Variants in TTC23 observed in about 807,000 individuals in gnomAD.
TTC23 encodes tetratricopeptide repeat domain 23.
TTC23 carries 58 observed loss-of-function variants against 55.1 expected under a neutral mutation model. The ratio of observed to expected loss-of-function variants is 1.05; its 90% confidence interval spans 0.85 to 1.31. The LOEUF is 1.31. TTC23 is among the 50% of genes most tolerant of loss of function. The pLI is 0.00. For missense variants in TTC23, 516 were observed against 534.4 expected (o/e 0.97, Z 0.34); for synonymous variants, 203 against 199.9 (o/e 1.02, Z -0.13).
Position 99,244,427 on chromosome 15 carries a change from T to C in TTC23, c.-309+962A>G, listed in dbSNP as rs182506734. On this transcript the variant is annotated intron_variant, in intron 2 of 13. Coordinates refer to ENST00000394132, the MANE Select transcript of TTC23 (RefSeq NM_001288615.3). ...AAACAAATAAATCGCCCCCCCCAAT[T>C]AGAACGACTAAATAAGTTCGGCAAG... Among the ~76,000 whole-genome samples, 325 of 152,188 alleles carry C rather than the reference T, an allele frequency of 2.1e-3. 2 individuals carry two copies. The highest frequency in any genetic ancestry group is 7.0e-3 in the African/African-American group (289 of 41,538).
At chr15:99,203,562 T>A (rs555012934) in intron 8 of TTC23, among the ~76,000 whole-genome samples, 6 of 152,080 alleles carry the variant, frequency 3.9e-5, no homozygotes, top group Admixed American at 3.9e-4. Context: ...AAACATTAGG[T>A]CTTATTCCCA....
At chr15:99,175,255 T>A in intron 9 of TTC23, 100 bp from the exon 10 acceptor site, 2 of 891,962 alleles carry the variant, frequency 2.2e-6, no homozygotes, top group South Asian at 1.6e-5. Flanking sequence ...CAAGGAACTT[T>A]CCAGCAAGCT....
chr15:99,251,030 G>C (rs2080694868), upstream of TTC23: 1 of 144,410 alleles, frequency 6.9e-6, no homozygotes, highest in African/African-American at 2.6e-5. Flanking sequence ...AACGCTCAAC[G>C]TGGGATCATT....
intron 12 of TTC23, among the ~76,000 whole-genome samples, chr15:99,142,323 T>G (rs1206620518): frequency 6.6e-6 from 1 of 152,126 alleles, no homozygotes; most frequent in Non-Finnish European, 1.5e-5. Context: ...GAGAGGCCCC[T>G]CTCTCCAGGG....
intron 12 of TTC23, 75 bp from the exon 13 acceptor site, chr15:99,139,474 T>C: frequency 6.3e-7 from 1 of 1,599,198 alleles, no homozygotes; most frequent in Non-Finnish European, 8.5e-7. Flanking sequence ...CTCCCTTGAA[T>C]GAGAGAAAGA....
chr15:99,218,864 T>C (rs2077682096), intron 7 of TTC23, 34 bp downstream of exon 7: 2 of 1,603,872 alleles, frequency 1.2e-6, no homozygotes, highest in African/African-American at 1.3e-5. Context: ...GTGAATAGTA[T>C]TTCTATTTGT....
chr15:99,210,251 G>A (rs58905808), intron 8 of TTC23, among the ~76,000 whole-genome samples: 3,826 of 152,136 alleles, frequency 0.025, 179 homozygotes, highest in African/African-American at 0.087. Context: ...GAAATGCAGT[G>A]CTCTAAAACA....
chr15:99,193,306 C>T (rs1716863956), intron 9 of TTC23, among the ~76,000 whole-genome samples: 1 of 152,072 alleles, frequency 6.6e-6, no homozygotes, highest in South Asian at 2.1e-4. Context: ...GCTCTGTGAC[C>T]CCACCCAAAT....
At chr15:99,138,438 C>G (rs1410697875) in intron 13 of TTC23, among the ~76,000 whole-genome samples, 1 of 152,040 alleles carries the variant, frequency 6.6e-6, no homozygotes, top group Admixed American at 6.5e-5. Context: ...CTCAGTCTCC[C>G]GAGTAGCCAG....
At chr15:99,249,656 T>C (rs1401703506), upstream of TTC23, 1 of 152,204 alleles carries the variant, frequency 6.6e-6, no homozygotes, top group East Asian at 1.9e-4. Context: ...TTGTCGAAGT[T>C]TGCAAACCAA....
At chr15:99,224,118 GGA>G (rs1305456486) in intron 5 of TTC23, among the ~76,000 whole-genome samples, 1 of 152,172 alleles carries the variant, frequency 6.6e-6, no homozygotes, top group Non-Finnish European at 1.5e-5. Flanking sequence ...GTTGGCCAAA[GGA>G]GAGTCACTTT....
In TTC23 at chr15:99,156,208, G is replaced by A. The variant is rs1340653254; in HGVS notation, c.1083C>T (p.Leu361=). The change falls in exon 12 of 14, where the codon CTC becomes CTT. Residue 361 remains leucine, a synonymous_variant. Coordinates refer to ENST00000394132, the MANE Select transcript of TTC23 (RefSeq NM_001288615.3). The part of the protein sequence containing the change: ...FSPEVAETYR[L]LGGADLAQGN... ...CCTGCGCCAGGTCTGCTCCTCCCAG[G>A]AGCCGGTATGTCTCTGCCACCTCGG... is the stretch of plus-strand genomic sequence containing the variant. 16 of 1,614,100 alleles carry A rather than the reference G, an allele frequency of 9.9e-6. No individual in the cohort carries two copies. The highest frequency in any genetic ancestry group is 1.4e-5 in the Non-Finnish European group (16 of 1,180,040).
At chr15:99,224,589 T>C (rs984226350) in intron 5 of TTC23, among the ~76,000 whole-genome samples, 1 of 152,236 alleles carries the variant, frequency 6.6e-6, no homozygotes, top group Non-Finnish European at 1.5e-5. Context: ...ATATCCTGTA[T>C]GGATAGCTTT....
chr15:99,154,032 T>C (rs1005134261), intron 12 of TTC23, among the ~76,000 whole-genome samples: 3 of 152,114 alleles, frequency 2.0e-5, no homozygotes, highest in African/African-American at 7.2e-5. Flanking sequence ...AATGACCCCA[T>C]TAGGGACAGA....
chr15:99,185,641 A>G (rs915973525), intron 9 of TTC23, among the ~76,000 whole-genome samples: 3 of 152,216 alleles, frequency 2.0e-5, no homozygotes, highest in Admixed American at 1.3e-4. Context: ...ACCCATAAAC[A>G]TACTCTCACT....
At chr15:99,174,959 C>T (rs952773962) in intron 10 of TTC23, 91 bp downstream of exon 10, 25 of 1,043,576 alleles carry the variant, frequency 2.4e-5, no homozygotes, top group East Asian at 1.8e-4. Flanking sequence ...GCCTGTGTCG[C>T]GGCTCTGTCC....
At chr15:99,151,508 A>G (rs1460918115) in intron 12 of TTC23, 1 of 152,340 alleles carries the variant, frequency 6.6e-6, no homozygotes, top group Non-Finnish European at 1.5e-5. Context: ...AGGAGCAAGG[A>G]GAAGTCCTGG....
chr15:99,152,662 C>T (rs552719099), intron 12 of TTC23, among the ~76,000 whole-genome samples: 10 of 152,194 alleles, frequency 6.6e-5, no homozygotes, highest in South Asian at 6.2e-4. Context: ...TGAACCACCA[C>T]GCCTGGCCTC....
intron 1 of TTC23, among the ~76,000 whole-genome samples, chr15:99,246,918 T>C (rs960141149): frequency 6.6e-6 from 1 of 151,904 alleles, no homozygotes; most frequent in African/African-American, 2.4e-5. Flanking sequence ...CGAGACCCAG[T>C]CTCAAACAAA....
Sources: allele counts gnomAD v4.1 joint callset (sites outside exome capture counted in the v4.1 genomes callset), GRCh38; gene constraint gnomAD v4.1.1; transcripts MANE v1.5; gene names NCBI Gene and HGNC (gene_info 2026-07-23, HGNC 2026-07-21).